The following SSH1 variants were observed in gnomAD, a reference collection of about 807,000 sequenced individuals.
SSH1 encodes slingshot protein phosphatase 1.
SSH1 carries 43 observed loss-of-function variants against 79.7 expected under a neutral mutation model. That is an observed-to-expected ratio of 0.54 (90% confidence interval 0.42 to 0.70). The LOEUF (loss-of-function observed/expected upper bound fraction) is 0.70, where lower values mean the gene tolerates loss of function less well. Among genes scored for constraint, SSH1 ranks in the 30% least tolerant of loss-of-function variants. The pLI is 0.00. For missense variants in SSH1, 1,206 were observed against 1,358.8 expected (o/e 0.89, Z 1.77); for synonymous variants, 599 against 538.3 (o/e 1.11, Z -1.56).
At chr12:108,836,522 A>G (rs2038635317) in intron 2 of SSH1, among the ~76,000 whole-genome samples, 1 of 152,254 alleles carries the variant, frequency 6.6e-6, no homozygotes, top group African/African-American at 2.4e-5. Context: ...ATGAGATCCC[A>G]CTGGCCCTAA....
intron 3 of SSH1, among the ~76,000 whole-genome samples, chr12:108,820,175 G>C (rs1172080384): frequency 6.6e-6 from 1 of 152,010 alleles, no homozygotes; most frequent in Non-Finnish European, 1.5e-5. Context: ...ACCAAACCCA[G>C]GCCAATTAAG....
intron 11 of SSH1, among the ~76,000 whole-genome samples, chr12:108,801,880 G>C (rs2037025004): frequency 6.6e-6 from 1 of 152,142 alleles, no homozygotes; most frequent in Admixed American, 6.6e-5. Context: ...ATTCCCACCA[G>C]GCCCCAAAGC....
chr12:108,837,967 A>C (rs1449162142), intron 2 of SSH1, among the ~76,000 whole-genome samples: 1 of 151,992 alleles, frequency 6.6e-6, no homozygotes, highest in Non-Finnish European at 1.5e-5. Flanking sequence ...ATTTTTTTGT[A>C]GAGACAGGGT....
In SSH1 at chr12:108,821,620, C is replaced by T. The variant is rs1255267243; in HGVS notation, c.214+1638G>A. ...AGGAAACTGAGGCTTAGAAGTCGAC[C>T]TGTTACGGCTTAGTAAGTTGGAGAA... On this transcript the variant is annotated intron_variant, in intron 3 of 14. Coordinates refer to ENST00000326495, the MANE Select transcript of SSH1 (RefSeq NM_018984.4). Among the ~76,000 whole-genome samples the T allele has an allele frequency of 2.9e-4, 44 of 152,126 alleles. 1 individual carries two copies. Among genetic ancestry groups the T allele is most frequent in the Admixed American group, 2.9e-3 (44 of 15,270 alleles).
chr12:108,827,806 G>A (rs533814943), intron 2 of SSH1, among the ~76,000 whole-genome samples: 8 of 152,326 alleles, frequency 5.3e-5, no homozygotes, highest in Non-Finnish European at 1.2e-4. Flanking sequence ...CAACGGTGAC[G>A]GTGACGTGGG....
intron 14 of SSH1, 90 bp from the exon 15 acceptor site, chr12:108,789,334 G>A: frequency 7.3e-7 from 1 of 1,376,618 alleles, no homozygotes; most frequent in Non-Finnish European, 1.0e-6. Flanking sequence ...AGGGGTGCGA[G>A]GCCGGACTGG....
rs145141884 is a variant in SSH1 at position 108,792,729 on chromosome 12, G to A, written c.1450C>T (p.Pro484Ser). Residue 484 changes from proline (P) to serine (S), a missense_variant, in exon 14 of 15, where the codon CCA (proline) becomes TCA (serine). Around this residue, in one of 5 missense-constraint regions of SSH1, gnomAD observed 709 missense variants for 730.6 expected, o/e 0.97. Transcript: ENST00000326495. ...AGCTGGCTTTCCGGGGTGCCATCTGGGGTCTCTGGCAAGAAGTCGCCAGGT... is the reference window on the plus strand; with the variant it reads ...AGCTGGCTTTCCGGGGTGCCATCTGAGGTCTCTGGCAAGAAGTCGCCAGGT... ...AGPGDFLPET[P>S]DGTPESQLPF... The A allele has an allele frequency of 2.2e-3, 3,504 of 1,613,774 alleles. 6 individuals carry two copies. The highest frequency in any genetic ancestry group is 2.3e-3 in the Non-Finnish European group (2,736 of 1,180,036).
At chr12:108,844,605 G>A (rs575311817) in intron 2 of SSH1, among the ~76,000 whole-genome samples, 11 of 152,338 alleles carry the variant, frequency 7.2e-5, no homozygotes, top group African/African-American at 2.4e-4. Flanking sequence ...ATTCTGCTAG[G>A]TGCATGCACC....
At position 108,807,671 on chromosome 12, in the gene SSH1, C is replaced by A. The variant is rs1197732604; in HGVS notation, c.693G>T (p.Glu231Asp). ...INEWNAMQDL[E>D]STRPDSPALF... ...GCGCGGGGGAGTCGGGCCGCGTAGA[C>A]TCCAGGTCCTGCATGGCGTTCCACT... Residue 231 changes from glutamate to aspartate, a missense_variant, in exon 8 of 15, where the codon GAG becomes GAT. Glu to Asp is a conservative substitution (Grantham distance 45). Transcript: ENST00000326495. The surrounding 1 kb of genome is among the most constrained non-coding windows in gnomAD (Gnocchi z 5.2). 1 of 1,613,304 alleles carries A rather than the reference C, an allele frequency of 6.2e-7. No homozygotes were observed. Among genetic ancestry groups the A allele is most frequent in the Admixed American group, 1.7e-5 (1 of 59,982 alleles).
intron 8 of SSH1, among the ~76,000 whole-genome samples, chr12:108,806,598 G>A (rs2037288659): frequency 6.6e-6 from 1 of 152,202 alleles, no homozygotes; most frequent in Non-Finnish European, 1.5e-5. Flanking sequence ...AGTCAACAGA[G>A]CAGGGAGCAG....
intron 2 of SSH1, among the ~76,000 whole-genome samples, chr12:108,827,864 CTGAAAAT>C (rs2038367483): frequency 6.6e-6 from 1 of 152,210 alleles, no homozygotes; most frequent in African/African-American, 2.4e-5. Flanking sequence ...CGGTTACATC[CTGAAAAT>C]TCTTCAGTCA....
intron 2 of SSH1, chr12:108,836,932 A>C: frequency 1.9e-6 from 1 of 532,850 alleles, no homozygotes; most frequent in Non-Finnish European, 3.9e-6. Flanking sequence ...TACTGGGCAC[A>C]AACATGTCCA....
intron 11 of SSH1, 132 bp from the exon 12 acceptor site, chr12:108,801,058 T>C: frequency 3.3e-6 from 3 of 917,064 alleles, no homozygotes; most frequent in Non-Finnish European, 3.3e-6. Context: ...TGGCGGGACT[T>C]TGGTTTTTCC....
intron 2 of SSH1, chr12:108,826,077 G>C: frequency 2.3e-6 from 1 of 439,306 alleles, no homozygotes; most frequent in South Asian, 1.6e-5. Flanking sequence ...TTGTTCATGA[G>C]ATTAAAAAAA....
intron 2 of SSH1, chr12:108,837,126 G>T: frequency 2.9e-6 from 1 of 342,212 alleles, no homozygotes; most frequent in Non-Finnish European, 6.1e-6. Context: ...CAGCTACTTG[G>T]GGCGCTAAGG....
At chr12:108,823,393 C>G in intron 2 of SSH1, 32 bp from the exon 3 acceptor site, 1 of 1,529,612 alleles carries the variant, frequency 6.5e-7, no homozygotes, top group African/African-American at 1.4e-5. Context: ...CACAGTTAGA[C>G]CGGAATTCAG....
intron 12 of SSH1, among the ~76,000 whole-genome samples, chr12:108,800,161 G>A (rs916739977): frequency 6.6e-6 from 1 of 152,218 alleles, no homozygotes; most frequent in Non-Finnish European, 1.5e-5. Context: ...TGTCTTGACA[G>A]CATCTCAAAG....
At chr12:108,835,365 T>TG (rs1000374055) in intron 2 of SSH1, among the ~76,000 whole-genome samples, 9 of 152,026 alleles carry the variant, frequency 5.9e-5, no homozygotes, top group African/African-American at 2.2e-4. Context: ...ACCCAGGAGA[T>TG]GGAGGTTGCA....
At chr12:108,815,678 A>G (rs1453581050) in intron 5 of SSH1, among the ~76,000 whole-genome samples, 1 of 152,150 alleles carries the variant, frequency 6.6e-6, no homozygotes, top group African/African-American at 2.4e-5. Flanking sequence ...CCAGTCTCCA[A>G]GTGGCTCTTC....
Sources: gnomAD v4.1 joint callset for allele counts (sites outside exome capture counted in the v4.1 genomes callset) on GRCh38, gnomAD v4.1.1 for gene constraint, gnomAD v4.1.1 regional missense constraint, Gnocchi (gnomAD v3.1) non-coding constraint, MANE v1.5 for transcripts, NCBI Gene and HGNC (gene_info 2026-07-23, HGNC 2026-07-21) for gene names.